Variants in DISP3 observed in about 807,000 individuals in gnomAD.
DISP3 encodes the protein protein dispatched homolog 3.
DISP3 carries 101 observed loss-of-function variants against 135.3 expected under a neutral mutation model. That is an observed-to-expected ratio of 0.75 (90% CI 0.64 to 0.88). The LOEUF is 0.88. Among genes scored for constraint, DISP3 ranks in the 40% least tolerant of loss-of-function variants. The pLI, the probability that DISP3 is intolerant of heterozygous loss-of-function variation, is 0.00. For synonymous variants in DISP3, 856 were observed against 817.0 expected, an observed-to-expected ratio of 1.05 and a Z score of -0.81; for missense variants, 1,713 against 1,878.6, an observed-to-expected ratio of 0.91 and a Z score of 1.63.
At chr1:11,509,178 T>C (rs1641788013) in intron 3 of DISP3, among the ~76,000 whole-genome samples, 1 of 152,170 alleles carries the variant, frequency 6.6e-6, no homozygotes, top group African/African-American at 2.4e-5. Flanking sequence ...TAAAAGTGTG[T>C]TATTTAGTTT....
chr1:11,524,090 C>T (rs1296725582), intron 11 of DISP3, 35 bp downstream of exon 11: 4 of 1,505,336 alleles, frequency 2.7e-6, no homozygotes, highest in Admixed American at 3.4e-5. Context: ...GGAAATCCTC[C>T]CTGGTGCTAG....
chr1:11,515,517 G>A lies in DISP3; in HGVS notation c.1588+14G>A. On this transcript the variant is annotated intron_variant, in intron 5 of 20. Transcript: ENST00000294484. Reference sequence around the variant, plus strand: ...TCGTGGGCATTGGTGAGTCGCCTCTGTTGTCATGGCAGTGCGCCTCCCACA... The same window carrying A: ...TCGTGGGCATTGGTGAGTCGCCTCTATTGTCATGGCAGTGCGCCTCCCACA... The A allele has an allele frequency of 6.3e-7, 1 of 1,591,532 alleles. No homozygotes were observed. The highest frequency in any genetic ancestry group is 8.6e-7 in the Non-Finnish European group (1 of 1,169,258).
intron 7 of DISP3, among the ~76,000 whole-genome samples, chr1:11,518,903 C>T (rs1642088559): frequency 6.6e-6 from 1 of 152,160 alleles, no homozygotes; most frequent in Non-Finnish European, 1.5e-5. Context: ...GGTGCCCAGT[C>T]CCTAGGTTGA....
In DISP3 at chr1:11,535,070, G is replaced by T; in HGVS notation, c.3595G>T (p.Ala1199Ser). Residue 1199 changes from alanine (A) to serine (S), a missense_variant, in exon 19 of 21, where the codon GCC becomes TCC. Around this residue, in one of 2 missense-constraint regions of DISP3, gnomAD observed 1,142 missense variants for 1,384.6 expected, o/e 0.82. Transcript: ENST00000294484. The part of the protein sequence containing the change: ...LSLLICVAAV[A>S]VFTTHILLLL... ...CCTGCTCATCTGCGTGGCCGCGGTGGCCGTGTTCACCACCCACATCCTGCT... is the reference window on the plus strand; with the variant it reads ...CCTGCTCATCTGCGTGGCCGCGGTGTCCGTGTTCACCACCCACATCCTGCT... 6.2e-7 allele frequency: 1 copy of T among 1,608,536 alleles called. No individual in the cohort carries two copies. Among genetic ancestry groups the T allele is most frequent in the East Asian group, 2.2e-5 (1 of 44,752 alleles).
At chr1:11,526,120 T>C (rs910277461) in intron 12 of DISP3, among the ~76,000 whole-genome samples, 2 of 152,254 alleles carry the variant, frequency 1.3e-5, no homozygotes, top group Non-Finnish European at 2.9e-5. Flanking sequence ...ATTTGGAAGA[T>C]GAGGTCTCTG....
At chr1:11,502,219 C>T (rs2076465) in intron 2 of DISP3, 131 bp downstream of exon 2, 234,710 of 1,363,060 alleles carry the variant, frequency 0.17, 22,604 homozygotes, top group East Asian at 0.46. Flanking sequence ...TGGGCATGGC[C>T]GGAGGGCAAG....
At chr1:11,488,762 C>T (rs1641106468) in intron 1 of DISP3, among the ~76,000 whole-genome samples, 1 of 152,120 alleles carries the variant, frequency 6.6e-6, no homozygotes, top group South Asian at 2.1e-4. Flanking sequence ...ATGTAAGACT[C>T]AAATAAAATC....
chr1:11,529,410 T>G lies in DISP3; in HGVS notation c.2799-146T>G. The G allele has an allele frequency of 1.9e-4, 189 of 995,242 alleles. No homozygotes were observed. Among genetic ancestry groups the G allele is most frequent in the Non-Finnish European group, 2.6e-4 (179 of 677,128 alleles). 61.7% of individuals were successfully genotyped at this position (995,242 alleles called of 1,614,324 possible). A position where few individuals can be genotyped will look rare whatever the true frequency, so the allele number is the denominator to read the frequency against. Reference sequence around the variant, plus strand: ...AGGGCACATCCCCCAGCCCTCAACCTGAGAACAAATCCCCATGCCGGGGCA... The same window carrying G: ...AGGGCACATCCCCCAGCCCTCAACCGGAGAACAAATCCCCATGCCGGGGCA... On this transcript the variant is annotated intron_variant, in intron 13 of 20. Transcript: ENST00000294484. The surrounding 1 kb of genome is among the most constrained non-coding windows in gnomAD (Gnocchi z 4.7).
At chr1:11,481,889 G>A (rs1191869890) in intron 1 of DISP3, 2 of 152,202 alleles carry the variant, frequency 1.3e-5, no homozygotes, top group Non-Finnish European at 2.9e-5. Flanking sequence ...AATAGGACCA[G>A]AGATGTCAAG....
At chr1:11,505,352 G>A (rs1328726538) in intron 3 of DISP3, among the ~76,000 whole-genome samples, 1 of 152,232 alleles carries the variant, frequency 6.6e-6, no homozygotes, top group Non-Finnish European at 1.5e-5. Context: ...ATAAATGAAT[G>A]GAGATGCCTC....
In DISP3 at chr1:11,515,993, T is replaced by C; in HGVS notation, c.1589-8T>C. 5 of 1,613,370 alleles carry C rather than the reference T, an allele frequency of 3.1e-6. No individual in the cohort carries two copies. In the African/African-American group the frequency reaches 6.7e-5, roughly 22 times the overall value. ...ATCCTGAGCCTGGCTGGGGACTCCC[T>C]CCCACAGGTGTGGACGATGTCTTTG... On this transcript the variant is annotated splice_polypyrimidine_tract_variant and splice_region_variant and intron_variant, in intron 5 of 20. Coordinates refer to ENST00000294484, the MANE Select transcript of DISP3 (RefSeq NM_020780.2).
In DISP3 at chr1:11,501,803, G is replaced by C; in HGVS notation, c.811G>C (p.Ala271Pro). Residue 271 changes from alanine to proline, a missense_variant, in exon 2 of 21, where the codon GCG becomes CCG. Ala to Pro is a conservative substitution (Grantham distance 27, BLOSUM62 -1). Transcript: ENST00000294484. This position sits in a 1 kb window ranked among gnomAD's most constrained non-coding sequence, Gnocchi z 4.9. ...TGTGAGTGCCAACACTCAGACGCACGCGCACTGGCGCATCGAGCTCATCTT... is the reference window on the plus strand; with the variant it reads ...TGTGAGTGCCAACACTCAGACGCACCCGCACTGGCGCATCGAGCTCATCTT... ...AYVSANTQTH[A>P]HWRIELIFLA... The C allele has an allele frequency of 6.2e-7, 1 of 1,606,498 alleles. No individual in the cohort carries two copies. The highest frequency in any genetic ancestry group is 8.5e-7 in the Non-Finnish European group (1 of 1,175,882).
intron 10 of DISP3, 40 bp from the exon 11 acceptor site, chr1:11,523,902 C>G (rs1206257389): frequency 1.3e-6 from 2 of 1,540,048 alleles, no homozygotes; most frequent in Admixed American, 1.7e-5. Flanking sequence ...GCCAGGATGT[C>G]CTGCTGTCCT....
chr1:11,480,911 G>A (rs1640885013), intron 1 of DISP3, among the ~76,000 whole-genome samples: 1 of 129,760 alleles, frequency 7.7e-6, no homozygotes, highest in Non-Finnish European at 1.6e-5. Context: ...GGTCCATTTT[G>A]CTTGGCTCTC....
intron 1 of DISP3, among the ~76,000 whole-genome samples, chr1:11,485,506 A>G (rs1023042225): frequency 1.3e-5 from 2 of 152,132 alleles, no homozygotes; most frequent in African/African-American, 4.8e-5. Context: ...TGGGGAAGGC[A>G]GCTTCAACGG....
In DISP3 at chr1:11,536,665, G is replaced by A; in HGVS notation, c.4158G>A (p.Leu1386=). The A allele has an allele frequency of 1.3e-6, 2 of 1,577,720 alleles. No individual in the cohort carries two copies. The highest frequency in any genetic ancestry group is 1.7e-6 in the Non-Finnish European group (2 of 1,162,864). The change falls in exon 21 of 21, where the codon CTG becomes CTA. Residue 1386 remains leucine (L), a synonymous_variant. Coordinates refer to ENST00000294484, the MANE Select transcript of DISP3 (RefSeq NM_020780.2). The surrounding 1 kb of genome is among the most constrained non-coding windows in gnomAD (Gnocchi z 4.3). ...TGCAGAGCGGCTATAAGATTCCCCT[G>A]CCCGCAGGGGCCTCCCTATAGCCCG... ...VLLQSGYKIP[L]PAGASL
At chr1:11,494,953 A>T (rs1280063666) in intron 1 of DISP3, among the ~76,000 whole-genome samples, 1 of 152,182 alleles carries the variant, frequency 6.6e-6, no homozygotes, top group East Asian at 1.9e-4. Context: ...TGGGAGCCCC[A>T]TCTGCTCTGG....
rs980058164 is a variant in DISP3, at chr1:11,483,087, C to T, written c.-4+3715C>T. 2.0e-5 allele frequency among the ~76,000 whole-genome samples: 3 copies of T among 152,264 alleles called. No homozygotes were observed. The highest frequency in any genetic ancestry group is 4.4e-5 in the Non-Finnish European group (3 of 68,044). On this transcript the variant is annotated intron_variant, in intron 1 of 20. Transcript: ENST00000294484. The surrounding 1 kb of genome is among the most constrained non-coding windows in gnomAD (Gnocchi z 5.4). ...ACAAAGGCCGGAGGCATGGATGCTG[C>T]GGGACCAGTCCAGGGATGGCGGCAG...
rs368287462 is a variant in DISP3, at chr1:11,520,667, G to A, written c.2201-20G>A. 5.6e-6 allele frequency: 9 copies of A among 1,610,758 alleles called. No individual in the cohort carries two copies. In the African/African-American group the frequency reaches 1.1e-4, roughly 19 times the overall value. On this transcript the variant is annotated intron_variant, in intron 9 of 20. Transcript: ENST00000294484. This position sits in a 1 kb window ranked among gnomAD's most constrained non-coding sequence, Gnocchi z 4.8. ...CCAGCTGGGCCCAGCCCCGCCTGGTGTAGCGCCCTTTCCTCACAGGGCTGT... is the reference window on the plus strand; with the variant it reads ...CCAGCTGGGCCCAGCCCCGCCTGGTATAGCGCCCTTTCCTCACAGGGCTGT...
Sources: gnomAD v4.1 joint callset for allele counts (sites outside exome capture counted in the v4.1 genomes callset) on GRCh38, gnomAD v4.1.1 for gene constraint, gnomAD v4.1.1 regional missense constraint, Gnocchi (gnomAD v3.1) non-coding constraint, MANE v1.5 for transcripts, NCBI Gene and HGNC (gene_info 2026-07-23, HGNC 2026-07-21) for gene names.